The following FYN variants were observed in gnomAD, a reference collection of about 807,000 sequenced individuals.
The protein encoded by FYN is tyrosine-protein kinase Fyn.
A neutral mutation model predicts 70.2 loss-of-function variants in FYN; 10 were observed. That is an observed-to-expected ratio of 0.14 (90% confidence interval 0.09 to 0.24). The LOEUF (loss-of-function observed/expected upper bound fraction) is 0.24. Ranked by LOEUF, FYN falls within the 10% of genes least tolerant of loss-of-function variation. The pLI is 1.00. For synonymous variants in FYN, 236 were observed against 248.6 expected (o/e 0.95, Z 0.48); for missense variants, 319 against 673.1 (o/e 0.47, Z 5.82).
At chr6:111,691,986 T>C (rs1335595060) in intron 12 of FYN, among the ~76,000 whole-genome samples, 1 of 152,098 alleles carries the variant, frequency 6.6e-6, no homozygotes. Context: ...CTCTCAGGCC[T>C]GGCACTTGGA....
At position 111,719,833 on chromosome 6, in the gene FYN, C is replaced by T. The variant is rs775699243; in HGVS notation, c.219G>A (p.Thr73=). 43 of 1,614,004 alleles carry T rather than the reference C, an allele frequency of 2.7e-5. No homozygotes were observed. Among genetic ancestry groups the T allele is most frequent in the East Asian group, 1.6e-4 (7 of 44,894 alleles). The change falls in exon 4 of 14, where the codon ACG becomes ACA. Residue 73 remains threonine, a synonymous_variant. Coordinates refer to ENST00000354650, the MANE Select transcript of FYN (RefSeq NM_002037.5). ...VFGGVNSSSH[T]GTLRTRGGTG... is the part of the protein sequence containing the mutation. ...TTCCTCCTCTCGTACGCAAGGTCCC[C>T]GTATGAGACGAAGAGTTCACACCTC...
intron 1 of FYN, among the ~76,000 whole-genome samples, chr6:111,852,175 C>G (rs888068896): frequency 3.3e-5 from 5 of 152,112 alleles, no homozygotes; most frequent in African/African-American, 1.2e-4. Flanking sequence ...ACAAAATAAT[C>G]CAAATGTATT....
intron 3 of FYN, among the ~76,000 whole-genome samples, chr6:111,779,666 T>A (rs1771096292): frequency 6.6e-6 from 1 of 152,066 alleles, no homozygotes; most frequent in Non-Finnish European, 1.5e-5. Flanking sequence ...ATGAAGTGAA[T>A]ATTGGAGGAG....
intron 12 of FYN, among the ~76,000 whole-genome samples, chr6:111,692,886 G>A (rs915753934): frequency 5.3e-5 from 8 of 152,144 alleles, no homozygotes; most frequent in South Asian, 2.1e-4. Flanking sequence ...CTCTCTGGAC[G>A]GCCAGTGCCA....
intron 1 of FYN, among the ~76,000 whole-genome samples, chr6:111,858,587 C>T (rs1442617345): frequency 6.6e-6 from 1 of 152,134 alleles, no homozygotes; most frequent in African/African-American, 2.4e-5. Flanking sequence ...CTTGGGCTAA[C>T]TCTGTTCTCT....
At chr6:111,840,556 GC>G (rs1773326445) in intron 2 of FYN, among the ~76,000 whole-genome samples, 1 of 152,200 alleles carries the variant, frequency 6.6e-6, no homozygotes, top group Non-Finnish European at 1.5e-5. Flanking sequence ...GTTGTTTTTA[GC>G]CATCAAGTTT....
chr6:111,764,713 G>A lies in FYN; in HGVS notation c.-12+15853C>T, dbSNP rs971650283. On this transcript the variant is annotated intron_variant, in intron 3 of 13. Transcript: ENST00000354650. ...CGTCACTTATCAACTGTCTTAACTC[G>A]TAGAGCTAAGGGGTTCCTTTAGTGC... Among the ~76,000 whole-genome samples, 7 of 152,078 alleles carry A rather than the reference G, an allele frequency of 4.6e-5. 1 individual carries two copies. Among genetic ancestry groups the A allele is most frequent in the African/African-American group, 1.7e-4 (7 of 41,378 alleles).
At chr6:111,721,806 C>T (rs1189966085) in intron 3 of FYN, among the ~76,000 whole-genome samples, 1 of 151,998 alleles carries the variant, frequency 6.6e-6, no homozygotes, top group Non-Finnish European at 1.5e-5. Flanking sequence ...GTTAAATGGT[C>T]CCCCTTTGGA....
chr6:111,687,619 T>C (rs1799073994), intron 12 of FYN, among the ~76,000 whole-genome samples: 1 of 150,006 alleles, frequency 6.7e-6, no homozygotes. Flanking sequence ...TGTGTGTGTG[T>C]GTGTGTGTGT....
chr6:111,753,848 CTG>C (rs1470320499), intron 3 of FYN, among the ~76,000 whole-genome samples: 1 of 152,160 alleles, frequency 6.6e-6, no homozygotes, highest in Non-Finnish European at 1.5e-5. Flanking sequence ...TCCAGAAACA[CTG>C]AGAAACACAG....
intron 12 of FYN, among the ~76,000 whole-genome samples, chr6:111,676,851 T>C (rs755623795): frequency 3.9e-5 from 6 of 152,230 alleles, no homozygotes; most frequent in Non-Finnish European, 8.8e-5. Flanking sequence ...AAAGTGACTA[T>C]TTAAAATTTG....
chr6:111,852,769 C>G (rs927258382), intron 1 of FYN, among the ~76,000 whole-genome samples: 9 of 152,090 alleles, frequency 5.9e-5, no homozygotes, highest in Non-Finnish European at 1.2e-4. Flanking sequence ...ACACACACTG[C>G]CCTACATTTT....
At chr6:111,866,183 A>T (rs1366383253) in intron 1 of FYN, among the ~76,000 whole-genome samples, 2 of 152,166 alleles carry the variant, frequency 1.3e-5, no homozygotes, top group African/African-American at 2.4e-5. Context: ...TTTGACATGT[A>T]TTAACTCACT....
chr6:111,770,380 A>T lies in FYN; in HGVS notation c.-12+10186T>A, dbSNP rs147575635. Among the ~76,000 whole-genome samples the T allele has an allele frequency of 4.7e-3, 713 of 152,224 alleles. 2 individuals are homozygous for T. The highest frequency in any genetic ancestry group is 0.01 in the Middle Eastern group (3 of 294). On this transcript the variant is annotated intron_variant, in intron 3 of 13. Coordinates refer to ENST00000354650, the MANE Select transcript of FYN (RefSeq NM_002037.5). ...GCTGCTTGACTTTGGTTTCTATTGG[A>T]CAGTGCTGATTCAGACCTTTACTTC...
chr6:111,700,057 C>A, intron 9 of FYN, 47 bp downstream of exon 9: 1 of 1,561,244 alleles, frequency 6.4e-7, no homozygotes. Flanking sequence ...TGTTTGGGAT[C>A]TTCCAAACGG....
chr6:111,809,268 C>A (rs1399803243), intron 2 of FYN, among the ~76,000 whole-genome samples: 1 of 152,224 alleles, frequency 6.6e-6, no homozygotes, highest in Non-Finnish European at 1.5e-5. Context: ...AAGATCCACA[C>A]AACTAACGTC....
chr6:111,843,323 T>C (rs946947014), intron 2 of FYN, among the ~76,000 whole-genome samples: 3 of 152,240 alleles, frequency 2.0e-5, no homozygotes, highest in Non-Finnish European at 4.4e-5. Flanking sequence ...TAATTAGCTT[T>C]TTACACAAAA....
intron 12 of FYN, among the ~76,000 whole-genome samples, chr6:111,680,561 G>C (rs1385027523): frequency 6.6e-6 from 1 of 152,168 alleles, no homozygotes; most frequent in East Asian, 1.9e-4. Flanking sequence ...TCATTACCTT[G>C]AGAATGACTT....
chr6:111,735,565 T>C (rs1341588481), intron 3 of FYN, among the ~76,000 whole-genome samples: 1 of 152,202 alleles, frequency 6.6e-6, no homozygotes, highest in Non-Finnish European at 1.5e-5. Context: ...CATTTGCACA[T>C]TATACAACTG....
Sources: allele counts gnomAD v4.1 joint callset (sites outside exome capture counted in the v4.1 genomes callset), GRCh38; gene constraint gnomAD v4.1.1; transcripts MANE v1.5; gene names NCBI Gene and HGNC (gene_info 2026-07-23, HGNC 2026-07-21).